CFAP46: variants seen among roughly 807,000 people sequenced by gnomAD.
CFAP46 encodes the protein cilia and flagella associated protein 46.
CFAP46 carries 245 observed loss-of-function variants against 325.7 expected under a neutral mutation model. That is an observed-to-expected ratio of 0.75 (90% confidence interval 0.68 to 0.84). The LOEUF is 0.84. Ranked by LOEUF, CFAP46 falls within the 40% of genes least tolerant of loss-of-function variation. The pLI is 0.00. For missense variants in CFAP46, 3,346 were observed against 3,543.0 expected, an observed-to-expected ratio of 0.94 and a Z score of 1.41; for synonymous variants, 1,523 against 1,495.9, an observed-to-expected ratio of 1.02 and a Z score of -0.42.
intron 50 of CFAP46, among the ~76,000 whole-genome samples, chr10:132,823,012 G>GC (rs1847913238): frequency 7.5e-6 from 1 of 132,666 alleles, no homozygotes; most frequent in African/African-American, 3.0e-5. Context: ...GATGTGTGCT[G>GC]TGTGTGCTGT....
chr10:132,838,098 G>C (rs1379465458), intron 44 of CFAP46, among the ~76,000 whole-genome samples: 1 of 152,254 alleles, frequency 6.6e-6, no homozygotes, highest in Non-Finnish European at 1.5e-5. Flanking sequence ...CTGTGGTCAG[G>C]TGGTGCAGGC....
chr10:132,820,330 T>C (rs528210630), intron 50 of CFAP46, among the ~76,000 whole-genome samples: 3 of 151,128 alleles, frequency 2.0e-5, no homozygotes, highest in East Asian at 1.9e-4. Flanking sequence ...GAGTGAGTGG[T>C]GGCTGACGGG....
intron 1 of CFAP46, 147 bp from the exon 2 acceptor site, chr10:132,942,251 T>G: frequency 8.3e-7 from 1 of 1,205,708 alleles, no homozygotes; most frequent in Admixed American, 2.6e-5. Flanking sequence ...GGAGCAGCGG[T>G]GTGGGCGCCT....
At chr10:132,883,448 G>A (rs1279344925) in intron 27 of CFAP46, among the ~76,000 whole-genome samples, 1 of 152,260 alleles carries the variant, frequency 6.6e-6, no homozygotes, top group Non-Finnish European at 1.5e-5. Flanking sequence ...TGCCGGCACA[G>A]CTAGAATAGT....
At chr10:132,887,524 C>CCTCT (rs566628262) in intron 25 of CFAP46, among the ~76,000 whole-genome samples, 1 of 98,538 alleles carries the variant, frequency 1.0e-5, no homozygotes, top group Non-Finnish European at 2.3e-5. Context: ...TCTCTCCTCT[C>CCTCT]CTCTCTCCTC....
chr10:132,849,418 C>T (rs138536628), intron 41 of CFAP46, among the ~76,000 whole-genome samples: 54 of 152,218 alleles, frequency 3.5e-4, no homozygotes, highest in Non-Finnish European at 5.4e-4. Context: ...GCACATATGG[C>T]GTGGTTGCTC....
chr10:132,864,416 A>C (rs111302023), intron 35 of CFAP46, among the ~76,000 whole-genome samples: 140 of 38,940 alleles, frequency 3.6e-3, no homozygotes, highest in African/African-American at 0.015. Flanking sequence ...TGCCTGAGAC[A>C]TGCACACACC....
At chr10:132,842,401 G>A (rs1290089486) in intron 44 of CFAP46, among the ~76,000 whole-genome samples, 10 of 152,122 alleles carry the variant, frequency 6.6e-5, no homozygotes, top group Admixed American at 5.9e-4. Flanking sequence ...TTCTGGTCAC[G>A]ACCACTTAAC....
chr10:132,836,592 C>CTGGA (rs1848251559), intron 45 of CFAP46, among the ~76,000 whole-genome samples: 1 of 152,192 alleles, frequency 6.6e-6, no homozygotes. Flanking sequence ...AGACCCTGTA[C>CTGGA]TGGAGACAGG....
intron 50 of CFAP46, among the ~76,000 whole-genome samples, chr10:132,822,763 ATGTGTGCTGTGTGTGCACTTG>A (rs1847898454): frequency 1.5e-5 from 1 of 64,722 alleles, no homozygotes; most frequent in Non-Finnish European, 3.3e-5. Context: ...GTGAGTGCTG[ATGTGTGCTGTGTGTGCACTTG>A]TGTGTGCTGT....
rs1406220918 is a variant in CFAP46 at position 132,850,397 on chromosome 10, C to T, written c.5799G>A (p.Gly1933=). The change falls in exon 41 of 58, where the codon GGG becomes GGA. Residue 1933 remains glycine, a synonymous_variant. Transcript: ENST00000368586. ...WFTLKRTLAH[G]ALAQLGSLQP... ...GCAGGCTCCCCAGCTGTGCCAGTGC[C>T]CCGTGTGCTAGAGTCCGCTTCAGCG... 1.3e-6 allele frequency: 2 copies of T among 1,580,240 alleles called. No individual in the cohort carries two copies. Among genetic ancestry groups the T allele is most frequent in the Non-Finnish European group, 1.7e-6 (2 of 1,162,680 alleles).
chr10:132,920,686 G>C (rs1849709790), intron 13 of CFAP46, among the ~76,000 whole-genome samples: 1 of 152,232 alleles, frequency 6.6e-6, no homozygotes, highest in Non-Finnish European at 1.5e-5. Context: ...CCCGGGGGCT[G>C]GGCCTCCCCT....
rs1167674933 is a variant in CFAP46, at chr10:132,877,072, G to A, written c.4213-111C>T. On this transcript the variant is annotated intron_variant, in intron 30 of 57. Coordinates refer to ENST00000368586, the MANE Select transcript of CFAP46 (RefSeq NM_001200049.3). The surrounding 1 kb of genome is among the most constrained non-coding windows in gnomAD (Gnocchi z 5.7). ...ATTCAGGCCACAGCCCTGGGCAGCC[G>A]GCATCCTCCCCACCACCAGGTCCCA... is the stretch of plus-strand genomic sequence containing the variant. 51 of 1,080,872 alleles carry A rather than the reference G, an allele frequency of 4.7e-5. No homozygotes were observed. Among genetic ancestry groups the A allele is most frequent in the South Asian group, 9.8e-5 (6 of 61,288 alleles). 67.0% of individuals were successfully genotyped at this position (1,080,872 alleles called of 1,614,324 possible).
intron 50 of CFAP46, among the ~76,000 whole-genome samples, chr10:132,818,499 A>G (rs1309678283): frequency 6.6e-6 from 1 of 152,186 alleles, no homozygotes; most frequent in Non-Finnish European, 1.5e-5. Context: ...AAGGCAAGGA[A>G]GCCCACTCTT....
intron 50 of CFAP46, among the ~76,000 whole-genome samples, chr10:132,830,145 CTTTT>C (rs1386446960): frequency 1.3e-5 from 2 of 150,960 alleles, no homozygotes; most frequent in Non-Finnish European, 1.5e-5. Context: ...TTTTTCTTTT[CTTTT>C]TTCTTTTTTT....
chr10:132,942,144 G>A, intron 1 of CFAP46, 40 bp from the exon 2 acceptor site: 2 of 1,549,306 alleles, frequency 1.3e-6, no homozygotes, highest in Non-Finnish European at 1.7e-6. Context: ...TGGTCACTGG[G>A]CTGGGAGAAG....
At chr10:132,931,574 C>CA (rs1345450864) in intron 8 of CFAP46, among the ~76,000 whole-genome samples, 1 of 129,094 alleles carries the variant, frequency 7.7e-6, no homozygotes, top group African/African-American at 2.8e-5. Flanking sequence ...GGGCCTTCCT[C>CA]CTCCCCACAC....
intron 28 of CFAP46, 82 bp from the exon 29 acceptor site, chr10:132,879,713 G>A (rs775060144): frequency 6.5e-5 from 89 of 1,374,336 alleles, no homozygotes; most frequent in Non-Finnish European, 7.7e-5. Context: ...CCTGCCCGAG[G>A]CTGTGGTGGA....
intron 44 of CFAP46, 85 bp from the exon 45 acceptor site, chr10:132,836,999 C>T (rs974338602): frequency 1.9e-5 from 20 of 1,056,488 alleles, no homozygotes; most frequent in African/African-American, 4.7e-5. Context: ...CAGGAGACCT[C>T]GTGGCAGAGC....
Sources: allele counts gnomAD v4.1 joint callset (sites outside exome capture counted in the v4.1 genomes callset), GRCh38; gene constraint gnomAD v4.1.1; non-coding constraint Gnocchi (gnomAD v3.1); transcripts MANE v1.5; gene names NCBI Gene and HGNC (gene_info 2026-07-23, HGNC 2026-07-21).